CEMIP2: variants seen among roughly 807,000 people sequenced by gnomAD.
The protein encoded by CEMIP2 is cell surface hyaluronidase CEMIP2.
CEMIP2 carries 79 observed loss-of-function variants against 146.9 expected under a neutral mutation model. That is an observed-to-expected ratio of 0.54 (90% CI 0.45 to 0.65). CEMIP2 has a LOEUF of 0.65. CEMIP2 is among the 30% of genes least tolerant of loss of function. CEMIP2 has a pLI of 0.00. For missense variants in CEMIP2, 1,596 were observed against 1,696.2 expected, an observed-to-expected ratio of 0.94 and a Z score of 1.04; for synonymous variants, 601 against 606.3, an observed-to-expected ratio of 0.99 and a Z score of 0.13.
At chr9:71,710,767 C>T (rs1822883087) in intron 16 of CEMIP2, among the ~76,000 whole-genome samples, 1 of 152,136 alleles carries the variant, frequency 6.6e-6, no homozygotes, top group Admixed American at 6.5e-5. Context: ...ATCCAAGACT[C>T]ATCCTGCTGA....
upstream of CEMIP2, chr9:71,768,735 C>T (rs1168727665): frequency 6.6e-6 from 1 of 152,166 alleles, no homozygotes; most frequent in Non-Finnish European, 1.5e-5. Context: ...CGGGCCTGAG[C>T]GTCCCCGCGA....
At position 71,745,495 on chromosome 9, in the gene CEMIP2, G is replaced by A. The variant is rs778331613; in HGVS notation, c.557C>T (p.Ala186Val). The A allele has an allele frequency of 1.2e-6, 2 of 1,613,260 alleles. No homozygotes were observed. Among genetic ancestry groups the A allele is most frequent in the African/African-American group, 1.3e-5 (1 of 74,912 alleles). Residue 186 changes from alanine (A) to valine (V), a missense_variant, in exon 4 of 24, where the codon GCG becomes GTG. By Grantham distance (64) the Ala-to-Val change is moderately conservative. Transcript: ENST00000377044. Reference sequence around the variant, plus strand: ...GCATTTTTCTGCTCCAATATGAAGCGCCCCACCATCCTGGATCAGGATGTA... The same window carrying A: ...GCATTTTTCTGCTCCAATATGAAGCACCCCACCATCCTGGATCAGGATGTA... Reference protein sequence around the residue: ...THYILIQDGGALHIGAEKCRY... With the variant: ...THYILIQDGGVLHIGAEKCRY...
In CEMIP2 at chr9:71,694,592, C is replaced by A; in HGVS notation, c.3613G>T (p.Asp1205Tyr). 1 of 1,612,424 alleles carries A rather than the reference C, an allele frequency of 6.2e-7. No homozygotes were observed. Among genetic ancestry groups the A allele is most frequent in the Non-Finnish European group, 8.5e-7 (1 of 1,178,578 alleles). Residue 1205 changes from aspartate (D) to tyrosine (Y), a missense_variant, in exon 21 of 24, where the codon GAT becomes TAT. Physicochemically the swap from Asp to Tyr is radical, Grantham distance 160 (BLOSUM62 -3). Transcript: ENST00000377044. The part of the protein sequence containing the change: ...CGTRQVVFTS[D>Y]PHKSYLPVQF... ...ACAGGGAGGTAACTTTTATGAGGAT[C>A]ACTAGTAAACACCACCTAGACAGAG...
At chr9:71,698,518 T>C (rs769632497) in intron 19 of CEMIP2, among the ~76,000 whole-genome samples, 12 of 152,236 alleles carry the variant, frequency 7.9e-5, no homozygotes, top group East Asian at 3.8e-4. Flanking sequence ...CAAAAATTCC[T>C]TGGAACACTT....
Position 71,712,171 on chromosome 9 carries a change from C to T in CEMIP2, c.2681G>A (p.Arg894Lys), listed in dbSNP as rs1034728572. ...GAGGAAGCCAATTGCACTGCTGTAC[C>T]TATCTGGAGTTGGCACATATTTTTT... ...TFKKYVPTPD[R>K]YSSAIGFLMK... The change falls in exon 16 of 24, where the codon AGG (arginine) becomes AAG (lysine). Residue 894 changes from arginine (R) to lysine (K), a missense_variant. Coordinates refer to ENST00000377044, the MANE Select transcript of CEMIP2 (RefSeq NM_013390.3). 6.2e-7 allele frequency: 1 copy of T among 1,614,162 alleles called. No individual in the cohort carries two copies. The highest frequency in any genetic ancestry group is 8.5e-7 in the Non-Finnish European group (1 of 1,180,018).
intron 1 of CEMIP2, among the ~76,000 whole-genome samples, chr9:71,764,779 G>T (rs1320204041): frequency 6.6e-6 from 1 of 151,962 alleles, no homozygotes; most frequent in Non-Finnish European, 1.5e-5. Context: ...ATTGCTAACA[G>T]ATTCGCCTAG....
intron 20 of CEMIP2, 92 bp from the exon 21 acceptor site, chr9:71,694,699 G>T: frequency 1.3e-6 from 1 of 790,324 alleles, no homozygotes. Flanking sequence ...TAAAGCCAGT[G>T]GTTGTATTTC....
chr9:71,740,138 C>A lies in CEMIP2; in HGVS notation c.1129G>T (p.Ala377Ser), dbSNP rs770822948. ...NYENHSSGGK[A>S]LAQREFYTVD... Reference sequence around the variant, plus strand: ...GTATAAAATTCTCTTTGGGCAAGAGCCTTCCCGCCACTGCTATGATTTTCA... The same window carrying A: ...GTATAAAATTCTCTTTGGGCAAGAGACTTCCCGCCACTGCTATGATTTTCA... Residue 377 changes from alanine to serine, a missense_variant, in exon 5 of 24, where the codon GCT (alanine) becomes TCT (serine). Transcript: ENST00000377044. 3.7e-6 allele frequency: 6 copies of A among 1,613,962 alleles called. No homozygotes were observed. The highest frequency in any genetic ancestry group is 3.4e-6 in the Non-Finnish European group (4 of 1,180,030).
intron 20 of CEMIP2, among the ~76,000 whole-genome samples, chr9:71,695,213 C>G (rs1320209135): frequency 6.6e-6 from 1 of 152,140 alleles, no homozygotes; most frequent in African/African-American, 2.4e-5. Flanking sequence ...GTTCCCTTCC[C>G]AGGAATGCCC....
At chr9:71,708,863 T>G (rs1822827671) in intron 17 of CEMIP2, among the ~76,000 whole-genome samples, 1 of 152,170 alleles carries the variant, frequency 6.6e-6, no homozygotes, top group Non-Finnish European at 1.5e-5. Context: ...ATTCTTTCAT[T>G]AAGTAGAGAT....
intron 7 of CEMIP2, among the ~76,000 whole-genome samples, chr9:71,731,478 T>C (rs909072904): frequency 1.3e-5 from 2 of 152,126 alleles, no homozygotes; most frequent in African/African-American, 4.8e-5. Context: ...GGCTCACACC[T>C]AGCACTTTGG....
At chr9:71,747,500 T>C (rs529851336) in intron 2 of CEMIP2, among the ~76,000 whole-genome samples, 117 of 152,314 alleles carry the variant, frequency 7.7e-4, no homozygotes, top group African/African-American at 2.7e-3. Flanking sequence ...AGAACACTAG[T>C]AATGCAATTA....
chr9:71,719,875 C>T (rs1392184300), intron 12 of CEMIP2, among the ~76,000 whole-genome samples: 2 of 133,536 alleles, frequency 1.5e-5, no homozygotes, highest in South Asian at 4.7e-4. Context: ...TACTATAAGG[C>T]AGCATCTGAT....
intron 12 of CEMIP2, among the ~76,000 whole-genome samples, chr9:71,721,386 CT>C (rs1288044336): frequency 6.6e-6 from 1 of 152,012 alleles, no homozygotes; most frequent in Non-Finnish European, 1.5e-5. Flanking sequence ...TGTTGATCAG[CT>C]TTTAGGTATC....
chr9:71,704,838 A>G (rs1822688719), intron 17 of CEMIP2, 35 bp from the exon 18 acceptor site: 1 of 1,598,372 alleles, frequency 6.3e-7, no homozygotes, highest in South Asian at 1.1e-5. Flanking sequence ...AGGGAAGAGA[A>G]TGAAAATTTA....
intron 12 of CEMIP2, 95 bp from the exon 13 acceptor site, chr9:71,718,174 T>A (rs896256726): frequency 1.3e-5 from 15 of 1,181,708 alleles, no homozygotes; most frequent in Non-Finnish European, 1.6e-5. Flanking sequence ...GAATTTAAAT[T>A]TGACCAAAAC....
chr9:71,695,233 C>G (rs866888600), intron 20 of CEMIP2, among the ~76,000 whole-genome samples: 1 of 152,172 alleles, frequency 6.6e-6, no homozygotes, highest in Non-Finnish European at 1.5e-5. Flanking sequence ...CTTCCCTTTT[C>G]CCTGTACTCC....
intron 10 of CEMIP2, among the ~76,000 whole-genome samples, chr9:71,729,529 G>A (rs79736571): frequency 0.045 from 6,780 of 151,810 alleles, 219 homozygotes; most frequent in Admixed American, 0.1. Context: ...TGAGGCAGGA[G>A]AATGGCGTGA....
At chr9:71,735,249 T>C (rs902895222) in intron 5 of CEMIP2, among the ~76,000 whole-genome samples, 1 of 152,102 alleles carries the variant, frequency 6.6e-6, no homozygotes, top group Non-Finnish European at 1.5e-5. Flanking sequence ...GATGTCACCT[T>C]AGTAAACCAT....
Sources: gnomAD v4.1 joint callset for allele counts (sites outside exome capture counted in the v4.1 genomes callset) on GRCh38, gnomAD v4.1.1 for gene constraint, MANE v1.5 for transcripts, NCBI Gene and HGNC (gene_info 2026-07-23, HGNC 2026-07-21) for gene names.